The following CDC16 variants were observed in gnomAD, a reference collection of about 807,000 sequenced individuals.
CDC16 encodes the protein cell division cycle 16.
CDC16 carries 34 observed loss-of-function variants against 87.0 expected under a neutral mutation model. That is an observed-to-expected ratio of 0.39 (90% confidence interval 0.30 to 0.52). The LOEUF is 0.52. Among genes scored for constraint, CDC16 ranks in the 20% least tolerant of loss-of-function variants. The probability of loss-of-function intolerance (pLI) is 0.74; values close to 1 mark genes in which losing one functional copy is unlikely to be tolerated. For synonymous variants in CDC16, 263 were observed against 260.6 expected, an observed-to-expected ratio of 1.01 and a Z score of -0.09; for missense variants, 653 against 751.9, an observed-to-expected ratio of 0.87 and a Z score of 1.54.
rs1279204255 is a variant in CDC16, at chr13:114,245,195, C to T, written c.847+226C>T. Among the ~76,000 whole-genome samples, 5 of 151,836 alleles carry T rather than the reference C, an allele frequency of 3.3e-5. No homozygotes were observed. In the East Asian group the frequency reaches 9.7e-4, roughly 29 times the overall value. ...AGTTCTTTATCACTGCTTCCTACTA[C>T]CTTTTCTCAAATATCATTTATGTTT... is the stretch of plus-strand genomic sequence containing the variant. On this transcript the variant is annotated intron_variant, in intron 9 of 17. Transcript: ENST00000356221.
At chr13:114,252,439 C>A (rs2082248881) in intron 12 of CDC16, among the ~76,000 whole-genome samples, 1 of 152,154 alleles carries the variant, frequency 6.6e-6, no homozygotes, top group African/African-American at 2.4e-5. Flanking sequence ...CACAAACAGT[C>A]CATAGCACTA....
chr13:114,257,608 A>T (rs373053467), intron 13 of CDC16, among the ~76,000 whole-genome samples: 1 of 152,280 alleles, frequency 6.6e-6, no homozygotes, highest in East Asian at 1.9e-4. Context: ...AGTGTTTTCT[A>T]TTTAGTTACT....
chr13:114,242,705 G>T (rs2081614816), intron 6 of CDC16: 1 of 168,378 alleles, frequency 5.9e-6, no homozygotes, highest in Non-Finnish European at 1.3e-5. Context: ...TGGCAGTGGT[G>T]TGAGGTGCGT....
intron 5 of CDC16, among the ~76,000 whole-genome samples, chr13:114,241,269 C>G (rs2081537494): frequency 6.6e-6 from 1 of 152,140 alleles, no homozygotes; most frequent in South Asian, 2.1e-4. Context: ...GTGTTTTTAT[C>G]TTTTTACAGA....
intron 14 of CDC16, among the ~76,000 whole-genome samples, chr13:114,260,977 C>T (rs924494900): frequency 1.3e-5 from 2 of 152,018 alleles, no homozygotes; most frequent in African/African-American, 2.4e-5. Flanking sequence ...GATCAACTGG[C>T]GAATGTAAGT....
intron 17 of CDC16, among the ~76,000 whole-genome samples, chr13:114,268,168 T>TC (rs1457723530): frequency 6.6e-6 from 1 of 151,930 alleles, no homozygotes; most frequent in Non-Finnish European, 1.5e-5. Context: ...AGCAGAGGGA[T>TC]CCCCACATGG....
In CDC16 at chr13:114,272,581, A is replaced by G. The variant is rs2083757615; in HGVS notation, c.*138A>G. On this transcript the variant is annotated 3_prime_UTR_variant, in exon 18 of 18. Transcript: ENST00000356221. ...ACATTTAGGAACAGAGACCCGCCTT[A>G]AGAGACTGGATCGCACACCTTTGCA... The G allele has an allele frequency of 4.5e-6, 3 of 666,912 alleles. No homozygotes were observed. Among genetic ancestry groups the G allele is most frequent in the Non-Finnish European group, 7.5e-6 (3 of 401,574 alleles). 41.3% of individuals were successfully genotyped at this position (666,912 alleles called of 1,614,324 possible). A position where few individuals can be genotyped will look rare whatever the true frequency, so the allele number is the denominator to read the frequency against.
rs765036454 is a variant in CDC16, at chr13:114,242,220, G to A, written c.481G>A (p.Val161Ile). 2 of 1,614,070 alleles carry A rather than the reference G, an allele frequency of 1.2e-6. No individual in the cohort carries two copies. The highest frequency in any genetic ancestry group is 3.3e-5 in the Admixed American group (2 of 60,002). ...CTACAAAGAAGCTTTGAAGCTTGAT[G>A]TCTACTGTTTTGAAGCGTTCGATCT... ...YSYKEALKLD[V>I]YCFEAFDLLT... Residue 161 changes from valine (V) to isoleucine (I), a missense_variant, in exon 6 of 18, where the codon GTC (valine) becomes ATC (isoleucine). By Grantham distance (29) the Val-to-Ile change is conservative. Transcript: ENST00000356221.
At position 114,236,944 on chromosome 13, in the gene CDC16, T is replaced by A. The variant is rs752175039; in HGVS notation, c.201+48T>A. ...AAGCTCTTCAGAGCTTTAAAAAAAA[T>A]GTCATTAGTGGCCGGGCGCGGTGGC... On this transcript the variant is annotated intron_variant, in intron 3 of 17. Coordinates refer to ENST00000356221, the MANE Select transcript of CDC16 (RefSeq NM_001078645.3). The A allele has an allele frequency of 1.1e-5, 14 of 1,267,984 alleles. No homozygotes were observed. In the East Asian group the frequency reaches 3.1e-4, roughly 28 times the overall value. 78.5% of individuals were successfully genotyped at this position (1,267,984 alleles called of 1,614,324 possible). A position where few individuals can be genotyped will look rare whatever the true frequency, so the allele number is the denominator to read the frequency against.
chr13:114,260,445 C>T (rs958500557), intron 14 of CDC16, among the ~76,000 whole-genome samples: 2 of 152,194 alleles, frequency 1.3e-5, no homozygotes, highest in East Asian at 3.8e-4. Context: ...TCAGCAGCAT[C>T]AGCATCACCT....
intron 11 of CDC16, among the ~76,000 whole-genome samples, chr13:114,249,347 A>T (rs2082037904): frequency 6.6e-6 from 1 of 151,636 alleles, no homozygotes; most frequent in Non-Finnish European, 1.5e-5. Context: ...TTTTTTTTCA[A>T]ATGGCAAGTT....
rs17338403 is a variant in CDC16, at chr13:114,271,755, A to G, written c.1604-429A>G. On this transcript the variant is annotated intron_variant, in intron 17 of 17. Coordinates refer to ENST00000356221, the MANE Select transcript of CDC16 (RefSeq NM_001078645.3). ...CTCGGCCTCCCAAAGTGCTGGGATT[A>G]TAGGTGTGAGCCACCGCGCCTGGCC... 1.6e-4 allele frequency among the ~76,000 whole-genome samples: 25 copies of G among 152,138 alleles called. No homozygotes were observed. In the South Asian group the frequency reaches 2.1e-3, roughly 13 times the overall value.
chr13:114,244,913 A>G lies in CDC16; in HGVS notation c.791A>G (p.His264Arg), dbSNP rs995445914. Residue 264 changes from histidine (H) to arginine (R), a missense_variant, in exon 9 of 18, where the codon CAT (histidine) becomes CGT (arginine). Coordinates refer to ENST00000356221, the MANE Select transcript of CDC16 (RefSeq NM_001078645.3). ...AGAGTAATGGAGAAAGATCCTTTCC[A>G]TGCAAGTTGTTTACCTGTACATATA... is the stretch of plus-strand genomic sequence containing the variant. ...TSVVMEKDPF[H>R]ASCLPVHIGT... is the part of the protein sequence containing the mutation. 5.0e-6 allele frequency: 8 copies of G among 1,611,468 alleles called. No individual in the cohort carries two copies. Among genetic ancestry groups the G allele is most frequent in the Non-Finnish European group, 6.8e-6 (8 of 1,178,366 alleles).
At chr13:114,259,061 T>C in intron 13 of CDC16, among the ~76,000 whole-genome samples, 1 of 142,542 alleles carries the variant, frequency 7.0e-6, no homozygotes, top group Non-Finnish European at 1.5e-5. Context: ...ATCGCACCAC[T>C]GCACTCCAGC....
chr13:114,236,974 A>G, intron 3 of CDC16, 78 bp downstream of exon 3: 11 of 872,926 alleles, frequency 1.3e-5, no homozygotes, highest in Non-Finnish European at 1.9e-5. Flanking sequence ...GGTGGCTTAC[A>G]CCTGTAATCC....
chr13:114,243,864 G>T lies in CDC16; in HGVS notation c.642G>T (p.Lys214Asn), dbSNP rs771725529. The change falls in exon 8 of 18, where the codon AAG (lysine) becomes AAT (asparagine). Residue 214 changes from lysine (K) to asparagine (N), a missense_variant. Lys to Asn is a moderately conservative substitution (Grantham distance 94). Transcript: ENST00000356221. ...LFENKLKKYN[K>N]PSETVIPESV... is the part of the protein sequence containing the mutation. ...ATTTCTATGTGTTTCAGTATAATAA[G>T]CCTAGTGAAACGGTCATCCCTGAAT... 6.2e-7 allele frequency: 1 copy of T among 1,608,942 alleles called. No homozygotes were observed. Among genetic ancestry groups the T allele is most frequent in the South Asian group, 1.1e-5 (1 of 90,680 alleles).
chr13:114,271,838 C>T (rs2083697375), intron 17 of CDC16, among the ~76,000 whole-genome samples: 2 of 152,068 alleles, frequency 1.3e-5, no homozygotes, highest in East Asian at 1.9e-4. Flanking sequence ...AGGCCTCATA[C>T]GTATTTAGGA....
chr13:114,250,434 G>A, intron 11 of CDC16, 115 bp from the exon 12 acceptor site: 1 of 905,500 alleles, frequency 1.1e-6, no homozygotes, highest in Non-Finnish European at 1.6e-6. Flanking sequence ...GGAGGCTGCA[G>A]AGAGCCGAGA....
chr13:114,263,080 A>G (rs1399134344), intron 16 of CDC16, 66 bp downstream of exon 16: 1 of 1,409,782 alleles, frequency 7.1e-7, no homozygotes, highest in African/African-American at 1.4e-5. Context: ...TTTTGAAAAT[A>G]TTTTTTCTAG....
Sources: gnomAD v4.1 joint callset for allele counts (sites outside exome capture counted in the v4.1 genomes callset) on GRCh38, gnomAD v4.1.1 for gene constraint, MANE v1.5 for transcripts, NCBI Gene and HGNC (gene_info 2026-07-23, HGNC 2026-07-21) for gene names.